FBLN7: variants seen among roughly 807,000 people sequenced by gnomAD.
FBLN7 encodes the protein fibulin 7, also known as fibulin-7.
Under a neutral mutation model 44.0 loss-of-function variants are expected in FBLN7, and 31 were observed. The observed-to-expected ratio is 0.70, with a 90% CI of 0.53 to 0.95. The LOEUF (loss-of-function observed/expected upper bound fraction) is 0.95. Among genes scored for constraint, FBLN7 ranks in the 40% least tolerant of loss-of-function variants. The pLI, the probability that FBLN7 is intolerant of heterozygous loss-of-function variation, is 0.00. For missense variants in FBLN7, 573 were observed against 618.5 expected (o/e 0.93, Z 0.78); for synonymous variants, 262 against 253.4 (o/e 1.03, Z -0.32).
rs969828096 is a variant in FBLN7, at chr2:112,175,782, A to G, written c.475A>G (p.Arg159Gly). 1.9e-6 allele frequency: 3 copies of G among 1,614,118 alleles called. No homozygotes were observed. Among genetic ancestry groups the G allele is most frequent in the African/African-American group, 1.3e-5 (1 of 74,940 alleles). ...ATGTGTAGAAGGAGTCAACCAGTAC[A>G]GATGCATTTGTCCTCCAGGAAGGAC... is the stretch of plus-strand genomic sequence containing the variant. The part of the protein sequence containing the change: ...GTCVEGVNQY[R>G]CICPPGRTGN... The change falls in exon 4 of 8, where the codon AGA (arginine) becomes GGA (glycine). Residue 159 changes from arginine (R) to glycine (G), a missense_variant. Physicochemically the swap from Arg to Gly is moderately radical, Grantham distance 125. Coordinates refer to ENST00000331203, the MANE Select transcript of FBLN7 (RefSeq NM_153214.3).
the FBLN7 span, among the ~76,000 whole-genome samples, chr2:112,209,492 C>T: frequency 6.6e-6 from 1 of 152,106 alleles, no homozygotes; most frequent in African/African-American, 2.4e-5. Context: ...AAGAAATATA[C>T]CATAAACTTA....
the FBLN7 span, among the ~76,000 whole-genome samples, chr2:112,243,164 T>C: frequency 6.6e-6 from 1 of 152,146 alleles, no homozygotes; most frequent in East Asian, 1.9e-4. Flanking sequence ...AGGAACAAGA[T>C]CTCCATACCT....
At chr2:112,167,872 T>TATGTTATGTTATTTATGTC in intron 3 of FBLN7, among the ~76,000 whole-genome samples, 1 of 147,600 alleles carries the variant, frequency 6.8e-6, no homozygotes, top group African/African-American at 2.5e-5. Flanking sequence ...AAAGACACGT[T>TATGTTATGTTATTTATGTC]ATGTTATGTT....
chr2:112,159,850 C>G lies in FBLN7; in HGVS notation c.235+15C>G. On this transcript the variant is annotated intron_variant, in intron 2 of 7. Coordinates refer to ENST00000331203, the MANE Select transcript of FBLN7 (RefSeq NM_153214.3). ...TGCCCTTCCAGGTGGGTCCCCACGT[C>G]GGCACCGCTGGGGCGGCAGCGCAGC... is the stretch of plus-strand genomic sequence containing the variant. 1 of 1,516,092 alleles carries G rather than the reference C, an allele frequency of 6.6e-7. No homozygotes were observed. The highest frequency in any genetic ancestry group is 1.2e-5 in the South Asian group (1 of 81,708). 93.9% of individuals were successfully genotyped at this position (1,516,092 alleles called of 1,614,324 possible).
At chr2:112,194,456 C>G in the FBLN7 span, among the ~76,000 whole-genome samples, 1 of 152,250 alleles carries the variant, frequency 6.6e-6, no homozygotes, top group Non-Finnish European at 1.5e-5. Context: ...GCCAGGTGGC[C>G]TCAGAGTAGT....
At chr2:112,181,905 G>A (rs767418109) in intron 5 of FBLN7, 29 bp downstream of exon 5, 118 of 1,530,428 alleles carry the variant, frequency 7.7e-5, no homozygotes, top group Non-Finnish European at 7.1e-5. Context: ...AGGACACTGG[G>A]GACAGCACGG....
At chr2:112,211,492 A>G in the FBLN7 span, 1 of 152,184 alleles carries the variant, frequency 6.6e-6, no homozygotes, top group Non-Finnish European at 1.5e-5. Context: ...TGCTTTTATA[A>G]TTCACTCATC....
At chr2:112,242,619 T>C in the FBLN7 span, among the ~76,000 whole-genome samples, 1 of 152,224 alleles carries the variant, frequency 6.6e-6, no homozygotes, top group Non-Finnish European at 1.5e-5. Flanking sequence ...TGGATTATTA[T>C]ACTGTCAAGT....
chr2:112,213,159 G>A, the FBLN7 span: 3 of 151,728 alleles, frequency 2.0e-5, no homozygotes, highest in African/African-American at 7.3e-5. Flanking sequence ...TTGTAAAGAT[G>A]AGATCTTGCT....
intron 1 of FBLN7, among the ~76,000 whole-genome samples, chr2:112,150,587 G>A (rs894314441): frequency 6.6e-6 from 1 of 152,094 alleles, no homozygotes. Flanking sequence ...GAAAAATGCT[G>A]TTCTGGGAGG....
At chr2:112,218,408 G>C in the FBLN7 span, among the ~76,000 whole-genome samples, 1 of 151,956 alleles carries the variant, frequency 6.6e-6, no homozygotes, top group Non-Finnish European at 1.5e-5. Context: ...TTCCTATTAA[G>C]GTATAGCATA....
intron 4 of FBLN7, 114 bp downstream of exon 4, chr2:112,175,953 G>T: frequency 7.5e-7 from 1 of 1,340,576 alleles, no homozygotes; most frequent in Non-Finnish European, 1.0e-6. Flanking sequence ...ACTCAAAGAT[G>T]TAGCTTTTCC....
intron 4 of FBLN7, 133 bp from the exon 5 acceptor site, chr2:112,181,606 T>TAAGTAAGTAGGA (rs1682996239): frequency 1.8e-6 from 2 of 1,142,444 alleles, no homozygotes; most frequent in East Asian, 6.5e-5. Flanking sequence ...TTGTCTCTCC[T>TAAGTAAGTAGGA]TTCCCTACTC....
At chr2:112,211,542 TTTTA>T in the FBLN7 span, 2 of 152,204 alleles carry the variant, frequency 1.3e-5, no homozygotes, top group Admixed American at 6.5e-5. Flanking sequence ...CATAGTAAAC[TTTTA>T]TTTAACTATG....
At chr2:112,178,257 CA>C (rs112844069) in intron 4 of FBLN7, among the ~76,000 whole-genome samples, 152 of 123,806 alleles carry the variant, frequency 1.2e-3, no homozygotes, top group Middle Eastern at 4.2e-3. Context: ...ACAAGAAATA[CA>C]AAAAAAAAAA....
chr2:112,145,564 CTTTAG>C (rs1371114406), intron 1 of FBLN7, among the ~76,000 whole-genome samples: 2 of 152,096 alleles, frequency 1.3e-5, no homozygotes, highest in Non-Finnish European at 2.9e-5. Flanking sequence ...TTTTAATGAA[CTTTAG>C]TTTATCAATT....
At position 112,181,830 on chromosome 2, in the gene FBLN7, G is replaced by C; in HGVS notation, c.624G>C (p.Glu208Asp). ...QVERAQHCSC[E>D]AGFHLSGAAG... The stretch of plus-strand genomic sequence containing the variant: ...AGCGGGCTCAGCACTGCAGCTGCGA[G>C]GCCGGATTCCACCTGAGCGGCGCCG... Residue 208 changes from glutamate to aspartate, a missense_variant, in exon 5 of 8, where the codon GAG (glutamate) becomes GAC (aspartate). Transcript: ENST00000331203. 1 of 1,522,362 alleles carries C rather than the reference G, an allele frequency of 6.6e-7. No homozygotes were observed. Among genetic ancestry groups the C allele is most frequent in the South Asian group, 1.2e-5 (1 of 83,664 alleles). 94.3% of individuals were successfully genotyped at this position (1,522,362 alleles called of 1,614,324 possible). A position where few individuals can be genotyped will look rare whatever the true frequency, so the allele number is the denominator to read the frequency against.
At chr2:112,174,003 A>G (rs1682608515) in intron 3 of FBLN7, among the ~76,000 whole-genome samples, 1 of 152,266 alleles carries the variant, frequency 6.6e-6, no homozygotes, top group Non-Finnish European at 1.5e-5. Context: ...TGGTTCAGGT[A>G]CAGATCAGGC....
intron 2 of FBLN7, among the ~76,000 whole-genome samples, chr2:112,164,190 T>C (rs1385594066): frequency 1.3e-5 from 2 of 152,216 alleles, no homozygotes; most frequent in Admixed American, 1.3e-4. Flanking sequence ...CCTAATATAG[T>C]GCCTGCCTAA....
Sources: allele counts gnomAD v4.1 joint callset (sites outside exome capture counted in the v4.1 genomes callset), GRCh38; gene constraint gnomAD v4.1.1; transcripts MANE v1.5; gene names NCBI Gene and HGNC (gene_info 2026-07-23, HGNC 2026-07-21).